The following BRWD3 variants were observed in gnomAD, a reference collection of about 807,000 sequenced individuals.
BRWD3 encodes bromodomain and WD repeat domain containing 3, also known as bromodomain and WD repeat-containing protein 3.
BRWD3 carries 10 observed loss-of-function variants against 149.7 expected under a neutral mutation model. The observed-to-expected ratio is 0.07, with a 90% CI of 0.04 to 0.11. BRWD3 has a LOEUF of 0.11. BRWD3 is among the 10% of genes least tolerant of loss of function. BRWD3 has a pLI of 1.00. For missense variants in BRWD3, 940 were observed against 1,373.2 expected (o/e 0.68, Z 4.99); for synonymous variants, 504 against 456.7 (o/e 1.10, Z -1.32).
rs2072337688 is a variant in BRWD3 at position 80,673,320 on chromosome X, AGAG to A, written c.*3286_*3288del. Reference sequence around the variant, plus strand: ...AATTAAAAAGGGAAATAAAAAGAATAGAGGGACACAGGTATATGACAAAACCTG... The same window carrying A: ...AATTAAAAAGGGAAATAAAAAGAATAGGACACAGGTATATGACAAAACCTG... On this transcript the variant is annotated 3_prime_UTR_variant, in exon 41 of 41. Coordinates refer to ENST00000373275, the MANE Select transcript of BRWD3 (RefSeq NM_153252.5). 9.0e-6 allele frequency: 1 copy of A among 111,336 alleles called. No individual in the cohort carries two copies. The highest frequency in any genetic ancestry group is 3.3e-5 in the African/African-American group (1 of 30,682). The allele number at this position is 111,336 out of a possible 1,213,427, so 9.2% of individuals were successfully genotyped here. A position where few individuals can be genotyped will look rare whatever the true frequency, so the allele number is the denominator to read the frequency against.
At chrX:80,696,519 T>TACACACACACAC (rs560341387) in intron 26 of BRWD3, among the ~76,000 whole-genome samples, 8 of 82,178 alleles carry the variant, frequency 9.7e-5, no homozygotes, top group African/African-American at 3.5e-4. Flanking sequence ...ATAACATAAA[T>TACACACACACAC]ACACACACAC....
At position 80,809,253 on chromosome X, in the gene BRWD3, G is replaced by A; in HGVS notation, c.83C>T (p.Ser28Phe). ...TCTCTTTCTTCCCCTTACCTGAGCG[G>A]ATTTGTTGCAGGGTCCAGACTGCAA... ...RFLQSGPCNK[S>F]AQVLVQELEE... The change falls in exon 2 of 41, where the codon TCC becomes TTC. Residue 28 changes from serine to phenylalanine, a missense_variant. Physicochemically the swap from Ser to Phe is radical, Grantham distance 155. Around this residue, in one of 6 missense-constraint regions of BRWD3, gnomAD observed 105 missense variants for 127.7 expected, o/e 0.82. Coordinates refer to ENST00000373275, the MANE Select transcript of BRWD3 (RefSeq NM_153252.5). The A allele has an allele frequency of 8.3e-7, 1 of 1,199,400 alleles. No individual in the cohort carries two copies. Among genetic ancestry groups the A allele is most frequent in the Non-Finnish European group, 1.1e-6 (1 of 888,192 alleles).
intron 17 of BRWD3, among the ~76,000 whole-genome samples, chrX:80,719,946 G>A (rs775441651): frequency 1.5e-3 from 164 of 110,990 alleles, no homozygotes; most frequent in Admixed American, 4.1e-3. Flanking sequence ...CATATACGAC[G>A]GTAGTCTCAT....
chrX:80,696,568 A>G (rs1411610942), intron 26 of BRWD3, among the ~76,000 whole-genome samples, 171 bp downstream of exon 26: 2 of 109,725 alleles, frequency 1.8e-5, no homozygotes, highest in Non-Finnish European at 3.8e-5. Context: ...ACACACAAAT[A>G]TAAATAAAAC....
chrX:80,714,219 C>CTTTTT (rs987098536), intron 20 of BRWD3, among the ~76,000 whole-genome samples: 29 of 61,793 alleles, frequency 4.7e-4, no homozygotes, highest in East Asian at 5.6e-4. Context: ...AAACCTTCAT[C>CTTTTT]TTTTTTTTTT....
chrX:80,710,610 A>G (rs878973054), intron 20 of BRWD3: 2 of 507,206 alleles, frequency 3.9e-6, no homozygotes, highest in Non-Finnish European at 3.6e-6. Context: ...TGTGTCTCCA[A>G]TCCTGGAAGG....
intron 6 of BRWD3, among the ~76,000 whole-genome samples, chrX:80,778,422 A>T (rs1466832381): frequency 1.8e-5 from 2 of 111,757 alleles, no homozygotes; most frequent in Non-Finnish European, 3.8e-5. Context: ...CAAGGAGAGG[A>T]GTGCCTTCAG....
At chrX:80,767,055 G>A (rs930881741) in intron 6 of BRWD3, among the ~76,000 whole-genome samples, 15 of 112,515 alleles carry the variant, frequency 1.3e-4, no homozygotes, top group African/African-American at 4.8e-4. Context: ...GGCCTGGCAG[G>A]GGGAGAGGCA....
In BRWD3 at chrX:80,672,037, T is replaced by G. The variant is rs999310349; in HGVS notation, c.*4572A>C. On this transcript the variant is annotated 3_prime_UTR_variant, in exon 41 of 41. Coordinates refer to ENST00000373275, the MANE Select transcript of BRWD3 (RefSeq NM_153252.5). ...TCAATTACCAATGGTGGTTTCATTA[T>G]GTATCAATAGTCTTATTTTTTAAGA... The G allele has an allele frequency of 8.9e-6, 1 of 111,816 alleles. No homozygotes were observed. The highest frequency in any genetic ancestry group is 1.9e-5 in the Non-Finnish European group (1 of 53,190). The allele number at this position is 111,816 out of a possible 1,213,427, so 9.2% of individuals were successfully genotyped here.
In BRWD3 at chrX:80,673,434, G is replaced by A. The variant is rs2072338636; in HGVS notation, c.*3175C>T. 1 of 111,558 alleles carries A rather than the reference G, an allele frequency of 9.0e-6. No individual in the cohort carries two copies. The highest frequency in any genetic ancestry group is 3.7e-4 in the South Asian group (1 of 2,674). 9.2% of individuals were successfully genotyped at this position (111,558 alleles called of 1,213,427 possible). ...TAGAGAGGCAAAAAGTTGGCAGACT[G>A]TCCTCCATACAAAATGTTCTCTTTT... On this transcript the variant is annotated 3_prime_UTR_variant, in exon 41 of 41. Transcript: ENST00000373275.
rs1224471720 is a variant in BRWD3, at chrX:80,758,462, A to G, written c.431-12733T>C. On this transcript the variant is annotated intron_variant, in intron 6 of 40. Coordinates refer to ENST00000373275, the MANE Select transcript of BRWD3 (RefSeq NM_153252.5). ...ACCTCCTCACAAAATTATCCTTTCTATAACCTAAATGGCAGATGGCCATTC... is the reference window on the plus strand; with the variant it reads ...ACCTCCTCACAAAATTATCCTTTCTGTAACCTAAATGGCAGATGGCCATTC... Among the ~76,000 whole-genome samples the G allele has an allele frequency of 2.7e-5, 3 of 111,782 alleles. No homozygotes were observed. The Admixed American group carries it at 2.9e-4, about 11-fold the overall frequency.
chrX:80,775,244 T>C (rs761710743), intron 6 of BRWD3, among the ~76,000 whole-genome samples: 2 of 111,765 alleles, frequency 1.8e-5, no homozygotes, highest in Non-Finnish European at 3.8e-5. Flanking sequence ...CACAAAAAAT[T>C]TGCAGACTCC....
At position 80,723,527 on chromosome X, in the gene BRWD3, C is replaced by T. The variant is rs781107813; in HGVS notation, c.1650+221G>A. On this transcript the variant is annotated intron_variant, in intron 16 of 40. Coordinates refer to ENST00000373275, the MANE Select transcript of BRWD3 (RefSeq NM_153252.5). ...AGGATTTCCTAAGGAATGTTTATAT[C>T]TTCATCACCCTATAACTTATCTCTA... Among the ~76,000 whole-genome samples, 14 of 110,136 alleles carry T rather than the reference C, an allele frequency of 1.3e-4. No individual in the cohort carries two copies. The South Asian group carries it at 2.0e-3, about 16-fold the overall frequency.
In BRWD3 at chrX:80,673,899, C is replaced by A. The variant is rs898420202; in HGVS notation, c.*2710G>T. ...CCAGATTTTACGTAGGTTTAAAGGG[C>A]CTCAAAGAAATTAAAATGATAAAGT... On this transcript the variant is annotated 3_prime_UTR_variant, in exon 41 of 41. Transcript: ENST00000373275. 9.0e-6 allele frequency: 1 copy of A among 110,519 alleles called. No individual in the cohort carries two copies. Among genetic ancestry groups the A allele is most frequent in the African/African-American group, 3.3e-5 (1 of 30,444 alleles). 9.1% of individuals were successfully genotyped at this position (110,519 alleles called of 1,213,427 possible).
intron 17 of BRWD3, 141 bp downstream of exon 17, chrX:80,722,421 A>G (rs2073163902): frequency 1.0e-5 from 6 of 593,920 alleles, no homozygotes; most frequent in Admixed American, 2.9e-5. Context: ...GGTAAAAACA[A>G]CTGAAAATAA....
At chrX:80,745,828 T>C in intron 6 of BRWD3, 99 bp from the exon 7 acceptor site, 1 of 804,622 alleles carries the variant, frequency 1.2e-6, no homozygotes, top group South Asian at 2.3e-5. Flanking sequence ...AGTACATATA[T>C]TATAGCAATT....
At chrX:80,777,767 A>G (rs2074014434) in intron 6 of BRWD3, among the ~76,000 whole-genome samples, 1 of 111,253 alleles carries the variant, frequency 9.0e-6, no homozygotes, top group Non-Finnish European at 1.9e-5. Context: ...CAATCATTAA[A>G]GTTATCCATA....
At chrX:80,680,851 C>T (rs1321187418) in intron 40 of BRWD3, among the ~76,000 whole-genome samples, 2 of 110,252 alleles carry the variant, frequency 1.8e-5, no homozygotes, top group East Asian at 2.8e-4. Flanking sequence ...CTCTGTCACA[C>T]GGGCTGGAGT....
chrX:80,742,282 G>A (rs1179906586), intron 8 of BRWD3, among the ~76,000 whole-genome samples: 1 of 110,401 alleles, frequency 9.1e-6, no homozygotes, highest in East Asian at 2.8e-4. Context: ...TTCTGTTTTA[G>A]TACCAGTACC....
Sources: gnomAD v4.1 joint callset for allele counts (sites outside exome capture counted in the v4.1 genomes callset) on GRCh38, gnomAD v4.1.1 for gene constraint, gnomAD v4.1.1 regional missense constraint, MANE v1.5 for transcripts, NCBI Gene and HGNC (gene_info 2026-07-23, HGNC 2026-07-21) for gene names.